B3GNT2: variants seen among roughly 807,000 people sequenced by gnomAD.
B3GNT2 encodes the protein UDP-GlcNAc:betaGal beta-1,3-N-acetylglucosaminyltransferase 2.
A neutral mutation model predicts 27.6 loss-of-function variants in B3GNT2; 12 were observed. The observed-to-expected ratio is 0.44, with a 90% CI of 0.28 to 0.71. B3GNT2 has a LOEUF of 0.71. B3GNT2 is among the 30% of genes least tolerant of loss of function. The pLI is 0.17. For synonymous variants in B3GNT2, 192 were observed against 189.7 expected (o/e 1.01, Z -0.10); for missense variants, 413 against 488.5 (o/e 0.85, Z 1.46).
chr2:62,202,622 C>T (rs1219934241), intron 1 of B3GNT2, among the ~76,000 whole-genome samples: 3 of 152,020 alleles, frequency 2.0e-5, no homozygotes, highest in African/African-American at 2.4e-5. Flanking sequence ...GGAAGATGGG[C>T]CTGAGCGTGA....
At chr2:62,216,499 G>A (rs1347586696) in intron 1 of B3GNT2, among the ~76,000 whole-genome samples, 1 of 151,916 alleles carries the variant, frequency 6.6e-6, no homozygotes, top group Non-Finnish European at 1.5e-5. Context: ...TGGATCTTCT[G>A]GGTTCAAGCA....
At chr2:62,203,751 T>A (rs909691218) in intron 1 of B3GNT2, among the ~76,000 whole-genome samples, 2 of 152,140 alleles carry the variant, frequency 1.3e-5, no homozygotes, top group African/African-American at 2.4e-5. Context: ...CAGCAAGAGC[T>A]GTCACAGGGA....
intron 1 of B3GNT2, among the ~76,000 whole-genome samples, chr2:62,209,093 C>T (rs1465420989): frequency 1.3e-5 from 2 of 152,114 alleles, no homozygotes; most frequent in Admixed American, 6.5e-5. Context: ...CGGGTTCAAG[C>T]GCCTCAGCCT....
chr2:62,223,917 G>C lies in B3GNT2; in HGVS notation c.*503G>C, dbSNP rs937848021. The C allele has an allele frequency of 6.0e-6, 1 of 167,266 alleles. No homozygotes were observed. The highest frequency in any genetic ancestry group is 1.5e-5 in the Non-Finnish European group (1 of 68,306). 10.4% of individuals were successfully genotyped at this position (167,266 alleles called of 1,614,324 possible). On this transcript the variant is annotated 3_prime_UTR_variant, in exon 2 of 2. Coordinates refer to ENST00000301998, the MANE Select transcript of B3GNT2 (RefSeq NM_006577.6). ...TGTCTAGAAAACTGAAATTTCAGTT[G>C]TCAGTTGTGGAATTCAGTTTTTCAA...
intron 1 of B3GNT2, among the ~76,000 whole-genome samples, chr2:62,213,366 T>C (rs1450205375): frequency 6.6e-6 from 1 of 152,188 alleles, no homozygotes. Flanking sequence ...ACTAAGGATC[T>C]TCCTCTAGAT....
At chr2:62,221,398 C>T (rs187770807) in intron 1 of B3GNT2, among the ~76,000 whole-genome samples, 11 of 152,252 alleles carry the variant, frequency 7.2e-5, no homozygotes, top group Admixed American at 2.6e-4. Flanking sequence ...CTCTGTGGTT[C>T]CTGTCTCCTG....
intron 1 of B3GNT2, among the ~76,000 whole-genome samples, chr2:62,219,957 A>G (rs1674655808): frequency 6.6e-6 from 1 of 152,190 alleles, no homozygotes; most frequent in South Asian, 2.1e-4. Context: ...AAACATTCAG[A>G]AGACCAATCT....
chr2:62,213,570 C>T (rs1294359645), intron 1 of B3GNT2, among the ~76,000 whole-genome samples: 1 of 152,134 alleles, frequency 6.6e-6, no homozygotes. Context: ...GAGTCTGCTG[C>T]CTTTGGTGGT....
chr2:62,211,752 A>G (rs1183216029), intron 1 of B3GNT2, among the ~76,000 whole-genome samples: 1 of 151,430 alleles, frequency 6.6e-6, no homozygotes, highest in Non-Finnish European at 1.5e-5. Context: ...CTGTCTGTCC[A>G]TGAACTGGCT....
At chr2:62,203,758 G>T (rs1674315042) in intron 1 of B3GNT2, among the ~76,000 whole-genome samples, 1 of 152,182 alleles carries the variant, frequency 6.6e-6, no homozygotes, top group Non-Finnish European at 1.5e-5. Context: ...AGCTGTCACA[G>T]GGAGTGGAGA....
Position 62,196,125 on chromosome 2 carries a change from G to T in B3GNT2, c.-240G>T. Reference sequence around the variant, plus strand: ...TGCGCCTGGAACCGGAGCCTGGAGTGAGGCGCAGCGGCAGCGGCAGCAGCG... The same window carrying T: ...TGCGCCTGGAACCGGAGCCTGGAGTTAGGCGCAGCGGCAGCGGCAGCAGCG... On this transcript the variant is annotated 5_prime_UTR_variant, in exon 1 of 2. Transcript: ENST00000301998. The T allele has an allele frequency of 6.6e-6, 1 of 151,778 alleles. No homozygotes were observed. The highest frequency in any genetic ancestry group is 2.0e-4 in the South Asian group (1 of 5,048). The allele number at this position is 151,778 out of a possible 1,614,324, so 9.4% of individuals were successfully genotyped here.
rs1451328451 is a variant in B3GNT2 at position 62,222,652 on chromosome 2, G to T, written c.432G>T (p.Leu144Phe). The T allele has an allele frequency of 6.2e-7, 1 of 1,614,100 alleles. No individual in the cohort carries two copies. The highest frequency in any genetic ancestry group is 8.5e-7 in the Non-Finnish European group (1 of 1,180,056). Residue 144 changes from leucine to phenylalanine, a missense_variant, in exon 2 of 2, where the codon TTG becomes TTT. Transcript: ENST00000301998. The surrounding 1 kb of genome is among the most constrained non-coding windows in gnomAD (Gnocchi z 4.2). ...QPDKCAKKPFLLLAIKSLTPH... is the reference protein window; with the variant it reads ...QPDKCAKKPFFLLAIKSLTPH... ...ATAAGTGTGCAAAGAAACCTTTCTT[G>T]TTGCTGGCGATTAAGTCCCTCACTC...
chr2:62,200,829 A>G (rs570670330), intron 1 of B3GNT2, among the ~76,000 whole-genome samples: 1 of 152,286 alleles, frequency 6.6e-6, no homozygotes, highest in African/African-American at 2.4e-5. Context: ...ACAGTGTGGC[A>G]TGTAGTCTTT....
chr2:62,202,570 G>A (rs1401538297), intron 1 of B3GNT2, among the ~76,000 whole-genome samples: 1 of 152,284 alleles, frequency 6.6e-6, no homozygotes, highest in South Asian at 2.1e-4. Flanking sequence ...GAGAGAGAGA[G>A]AGGGTGTGGG....
chr2:62,203,210 G>A (rs1308435098), intron 1 of B3GNT2, among the ~76,000 whole-genome samples: 1 of 152,256 alleles, frequency 6.6e-6, no homozygotes, highest in East Asian at 1.9e-4. Context: ...ACCAGGGCAG[G>A]GATAGTACAA....
chr2:62,199,044 G>A (rs1277755732), intron 1 of B3GNT2, among the ~76,000 whole-genome samples: 2 of 152,166 alleles, frequency 1.3e-5, no homozygotes, highest in East Asian at 1.9e-4. Flanking sequence ...GGATTCAAGT[G>A]ATTCTCCTGC....
In B3GNT2 at chr2:62,223,067, C is replaced by T. The variant is rs770162729; in HGVS notation, c.847C>T (p.Arg283Trp). 3.7e-6 allele frequency: 6 copies of T among 1,614,078 alleles called. No individual in the cohort carries two copies. The highest frequency in any genetic ancestry group is 2.2e-5 in the East Asian group (1 of 44,898). Residue 283 changes from arginine to tryptophan, a missense_variant, in exon 2 of 2, where the codon CGG becomes TGG. By Grantham distance (101) the Arg-to-Trp change is moderately radical. Coordinates refer to ENST00000301998, the MANE Select transcript of B3GNT2 (RefSeq NM_006577.6). ...GDVIHNAGPH[R>W]DKKLKYYIPE... Reference sequence around the variant, plus strand: ...TGTGATCCACAATGCTGGACCTCATCGGGATAAGAAGCTGAAGTACTACAT... The same window carrying T: ...TGTGATCCACAATGCTGGACCTCATTGGGATAAGAAGCTGAAGTACTACAT...
At position 62,223,353 on chromosome 2, in the gene B3GNT2, G is replaced by C; in HGVS notation, c.1133G>C (p.Arg378Thr). The C allele has an allele frequency of 6.2e-7, 1 of 1,613,810 alleles. No individual in the cohort carries two copies. Among genetic ancestry groups the C allele is most frequent in the Non-Finnish European group, 8.5e-7 (1 of 1,179,922 alleles). ...GTAGATCTGATGTTAGTACATAGTA[G>C]AAAACCTCAAGAGATGATTGATATT... ...SYVDLMLVHSRKPQEMIDIWS... is the reference protein window; with the variant it reads ...SYVDLMLVHSTKPQEMIDIWS... The change falls in exon 2 of 2, where the codon AGA becomes ACA. Residue 378 changes from arginine to threonine, a missense_variant. Transcript: ENST00000301998.
chr2:62,209,468 TG>T (rs1221200786), intron 1 of B3GNT2, among the ~76,000 whole-genome samples: 1 of 152,174 alleles, frequency 6.6e-6, no homozygotes, highest in African/African-American at 2.4e-5. Flanking sequence ...ATGTGCATGT[TG>T]TTGAAAAACA....
Sources: allele counts gnomAD v4.1 joint callset (sites outside exome capture counted in the v4.1 genomes callset), GRCh38; gene constraint gnomAD v4.1.1; non-coding constraint Gnocchi (gnomAD v3.1); transcripts MANE v1.5; gene names NCBI Gene and HGNC (gene_info 2026-07-23, HGNC 2026-07-21).